Variants in RNF169 observed in about 807,000 individuals in gnomAD.
RNF169 encodes ring finger protein 169.
Under a neutral mutation model 53.9 loss-of-function variants are expected in RNF169, and 24 were observed. That is an observed-to-expected ratio of 0.45 (90% CI 0.32 to 0.63). RNF169 has a LOEUF of 0.63. Among genes scored for constraint, RNF169 ranks in the 20% least tolerant of loss-of-function variants. The pLI is 0.04. For missense variants in RNF169, 883 were observed against 906.2 expected (o/e 0.97, Z 0.33); for synonymous variants, 396 against 363.5 (o/e 1.09, Z -1.02).
intron 2 of RNF169, among the ~76,000 whole-genome samples, chr11:74,808,654 C>T (rs760615697): frequency 2.6e-5 from 4 of 152,194 alleles, no homozygotes; most frequent in African/African-American, 7.2e-5. Context: ...GCACCTGACA[C>T]GTAGAGTTCA....
intron 3 of RNF169, among the ~76,000 whole-genome samples, chr11:74,812,655 T>G (rs1487353896): frequency 6.6e-6 from 1 of 152,102 alleles, no homozygotes; most frequent in Non-Finnish European, 1.5e-5. Context: ...ATTTAAGAGT[T>G]TTCAGTGTTG....
In RNF169 at chr11:74,836,426, A is replaced by G. The variant is rs767900679; in HGVS notation, c.1823A>G (p.Glu608Gly). 6 of 1,614,234 alleles carry G rather than the reference A, an allele frequency of 3.7e-6. No individual in the cohort carries two copies. Among genetic ancestry groups the G allele is most frequent in the Non-Finnish European group, 5.1e-6 (6 of 1,180,040 alleles). The change falls in exon 6 of 6, where the codon GAG (glutamate) becomes GGG (glycine). Residue 608 changes from glutamate (E) to glycine (G), a missense_variant. By Grantham distance (98) the Glu-to-Gly change is moderately conservative (BLOSUM62 -2). Coordinates refer to ENST00000299563, the MANE Select transcript of RNF169 (RefSeq NM_001098638.2). ...GATCTGACTAATGGTGTTCTAGTTGAGAGCCTAAGTGAAGAGCCACTTCCT... is the reference window on the plus strand; with the variant it reads ...GATCTGACTAATGGTGTTCTAGTTGGGAGCCTAAGTGAAGAGCCACTTCCT... ...HFDLTNGVLVESLSEEPLPSL... is the reference protein window; with the variant it reads ...HFDLTNGVLVGSLSEEPLPSL...
intron 4 of RNF169, among the ~76,000 whole-genome samples, chr11:74,824,831 A>G (rs2036069665): frequency 6.6e-6 from 1 of 152,084 alleles, no homozygotes; most frequent in South Asian, 2.1e-4. Context: ...GGTTGCCTGT[A>G]TAAGACCTAG....
At chr11:74,831,043 T>G (rs1280643548) in intron 4 of RNF169, 1 of 152,118 alleles carries the variant, frequency 6.6e-6, no homozygotes, top group African/African-American at 2.4e-5. Flanking sequence ...CACAGCAACA[T>G]CATACTCAGT....
intron 1 of RNF169, among the ~76,000 whole-genome samples, chr11:74,783,860 G>A (rs930972449): frequency 2.0e-5 from 3 of 152,186 alleles, no homozygotes; most frequent in Non-Finnish European, 2.9e-5. Context: ...TTTATTGTAT[G>A]TGATTGTTCT....
Position 74,810,203 on chromosome 11 carries a change from A to C in RNF169, c.596A>C (p.Gln199Pro), listed in dbSNP as rs1253010746. ...TTTTAGCTGAGAGAAGAAAAGTTAC[A>C]AGAGGAAAAACCCTCTGAAGATCAA... is the stretch of plus-strand genomic sequence containing the variant. ...SLRKLREEKL[Q>P]EEKPSEDQIH... is the part of the protein sequence containing the mutation. Residue 199 changes from glutamine (Q) to proline (P), a missense_variant, in exon 3 of 6, where the codon CAA (glutamine) becomes CCA (proline). Gln to Pro is a moderately conservative substitution (Grantham distance 76). Transcript: ENST00000299563. 6.2e-7 allele frequency: 1 copy of C among 1,609,846 alleles called. No individual in the cohort carries two copies. Among genetic ancestry groups the C allele is most frequent in the African/African-American group, 1.3e-5 (1 of 74,446 alleles).
At chr11:74,754,392 C>G (rs1423982889) in intron 1 of RNF169, among the ~76,000 whole-genome samples, 4 of 152,114 alleles carry the variant, frequency 2.6e-5, no homozygotes, top group Non-Finnish European at 5.9e-5. Context: ...GAAACCGAGA[C>G]CTTTTTACTT....
At chr11:74,822,182 T>C (rs115339112) in intron 4 of RNF169, among the ~76,000 whole-genome samples, 3,724 of 151,990 alleles carry the variant, frequency 0.025, 163 homozygotes, top group African/African-American at 0.086. Context: ...GAAACAAGTA[T>C]GGCGTAGGTA....
In RNF169 at chr11:74,748,999, G is replaced by C; in HGVS notation, c.119G>C (p.Gly40Ala). 1 of 1,498,952 alleles carries C rather than the reference G, an allele frequency of 6.7e-7. No individual in the cohort carries two copies. Among genetic ancestry groups the C allele is most frequent in the Middle Eastern group, 2.2e-4 (1 of 4,568 alleles). 92.9% of individuals were successfully genotyped at this position (1,498,952 alleles called of 1,614,324 possible). A position where few individuals can be genotyped will look rare whatever the true frequency, so the allele number is the denominator to read the frequency against. ...GCGGCAGCTAAGACTGGGGCCCCAG[G>C]CCCGGCTTCTGGACCTTCGCTGTTG... ...ETAAAKTGAPGPASGPSLLVL... is the reference protein window; with the variant it reads ...ETAAAKTGAPAPASGPSLLVL... The change falls in exon 1 of 6, where the codon GGC (glycine) becomes GCC (alanine). Residue 40 changes from glycine to alanine, a missense_variant. Physicochemically the swap from Gly to Ala is moderately conservative, Grantham distance 60 (BLOSUM62 0). This residue lies in a region of RNF169 where 313 missense variants were observed against 279.9 expected (regional missense o/e 1.12). Coordinates refer to ENST00000299563, the MANE Select transcript of RNF169 (RefSeq NM_001098638.2).
rs1220926178 is a variant in RNF169, at chr11:74,837,750, A to G, written c.*1020A>G. ...TCACCCTGAAGTCAGGCAAGGAACA[A>G]TACTTAAACTCCATACTATGGAAAC... On this transcript the variant is annotated 3_prime_UTR_variant, in exon 6 of 6. Coordinates refer to ENST00000299563, the MANE Select transcript of RNF169 (RefSeq NM_001098638.2). 6.6e-6 allele frequency: 1 copy of G among 152,256 alleles called. No individual in the cohort carries two copies. 9.4% of individuals were successfully genotyped at this position (152,256 alleles called of 1,614,324 possible).
chr11:74,800,326 T>G (rs1050383495), intron 2 of RNF169, among the ~76,000 whole-genome samples: 2 of 152,182 alleles, frequency 1.3e-5, no homozygotes, highest in Admixed American at 1.3e-4. Context: ...CTTTTTTGTT[T>G]ATTGCAGACT....
rs1160952805 is a variant in RNF169 at position 74,838,981 on chromosome 11, T to C, written c.*2251T>C. The C allele has an allele frequency of 1.3e-5, 2 of 152,224 alleles. No individual in the cohort carries two copies. The highest frequency in any genetic ancestry group is 2.9e-5 in the Non-Finnish European group (2 of 68,042). The allele number at this position is 152,224 out of a possible 1,614,324, so 9.4% of individuals were successfully genotyped here. ...TTTGAAAAACACTTTTCAGTTGGAA[T>C]TGATTTTTGTCTTTGGTAAAAAGAA... On this transcript the variant is annotated 3_prime_UTR_variant, in exon 6 of 6. Coordinates refer to ENST00000299563, the MANE Select transcript of RNF169 (RefSeq NM_001098638.2).
chr11:74,761,575 T>A (rs1488272287), intron 1 of RNF169, among the ~76,000 whole-genome samples: 3 of 152,124 alleles, frequency 2.0e-5, no homozygotes, highest in African/African-American at 7.2e-5. Context: ...TTATGAAGCT[T>A]AGTTTGGCTG....
intron 1 of RNF169, among the ~76,000 whole-genome samples, chr11:74,779,964 T>A (rs1458684922): frequency 6.6e-6 from 1 of 152,166 alleles, no homozygotes. Context: ...CATGTGCTAT[T>A]GTGCCCGGCT....
At chr11:74,801,349 A>G (rs1015219206) in intron 2 of RNF169, among the ~76,000 whole-genome samples, 8 of 152,190 alleles carry the variant, frequency 5.3e-5, no homozygotes, top group African/African-American at 9.7e-5. Context: ...AGCATCAGCA[A>G]TAGTCACCAG....
chr11:74,802,777 G>C (rs2035750821), intron 2 of RNF169, among the ~76,000 whole-genome samples: 1 of 152,134 alleles, frequency 6.6e-6, no homozygotes, highest in Non-Finnish European at 1.5e-5. Flanking sequence ...AATATTTGCG[G>C]AACTGAGCTT....
At chr11:74,778,964 C>T (rs1039214189) in intron 1 of RNF169, among the ~76,000 whole-genome samples, 2 of 152,184 alleles carry the variant, frequency 1.3e-5, no homozygotes, top group African/African-American at 4.8e-5. Flanking sequence ...TAAGCAGTTT[C>T]CCATCTTATG....
chr11:74,804,055 G>T (rs554928381), intron 2 of RNF169, among the ~76,000 whole-genome samples: 1 of 152,256 alleles, frequency 6.6e-6, no homozygotes, highest in Non-Finnish European at 1.5e-5. Context: ...CTCAGCCAGG[G>T]CCACTGTCTG....
intron 2 of RNF169, among the ~76,000 whole-genome samples, chr11:74,794,601 A>C (rs2035621226): frequency 1.3e-5 from 2 of 152,204 alleles, no homozygotes; most frequent in Non-Finnish European, 1.5e-5. Flanking sequence ...GATAGCTGAA[A>C]TAGGATGGAG....
Sources: allele counts gnomAD v4.1 joint callset (sites outside exome capture counted in the v4.1 genomes callset), GRCh38; gene constraint gnomAD v4.1.1; regional missense constraint gnomAD v4.1.1; transcripts MANE v1.5; gene names NCBI Gene and HGNC (gene_info 2026-07-23, HGNC 2026-07-21).